FETUB: variants seen among roughly 807,000 people sequenced by gnomAD.
FETUB encodes fetuin-B.
In FETUB, 28 loss-of-function variants were observed where a neutral mutation model predicts 30.9. The observed-to-expected ratio is 0.90, with a 90% CI of 0.67 to 1.24. The LOEUF is 1.24. FETUB is among the 50% of genes most tolerant of loss of function. The pLI, the probability that FETUB is intolerant of heterozygous loss-of-function variation, is 0.00. For synonymous variants in FETUB, 186 were observed against 175.9 expected (o/e 1.06, Z -0.45); for missense variants, 469 against 455.3 (o/e 1.03, Z -0.27).
At chr3:186,637,889 G>A (rs1716821206), upstream of FETUB, among the ~76,000 whole-genome samples, 1 of 152,146 alleles carries the variant, frequency 6.6e-6, no homozygotes, top group South Asian at 2.1e-4. Flanking sequence ...TTTTACATGG[G>A]AGGAGCCTGA....
chr3:186,638,444 C>T (rs991255966), upstream of FETUB, among the ~76,000 whole-genome samples: 3 of 152,132 alleles, frequency 2.0e-5, no homozygotes, highest in Non-Finnish European at 4.4e-5. Context: ...TGCTGTGTGG[C>T]ACACCCAGTG....
At position 186,640,575 on chromosome 3, in the gene FETUB, T is replaced by C; in HGVS notation, c.115T>C (p.Ser39Pro). The change falls in exon 1 of 7, where the codon TCA (serine) becomes CCA (proline). Residue 39 changes from serine to proline, a missense_variant. Coordinates refer to ENST00000265029, the MANE Select transcript of FETUB (RefSeq NM_014375.3). Reference protein sequence around the residue: ...SALLSRGCNDSDVLAVAGFAL... With the variant: ...SALLSRGCNDPDVLAVAGFAL... ...TCTGCTCTCCCGGGGCTGCAATGACTCAGATGTGCTGGCAGTTGCAGGCTT... is the reference window on the plus strand; with the variant it reads ...TCTGCTCTCCCGGGGCTGCAATGACCCAGATGTGCTGGCAGTTGCAGGCTT... 1 of 1,613,148 alleles carries C rather than the reference T, an allele frequency of 6.2e-7. No homozygotes were observed. The highest frequency in any genetic ancestry group is 8.5e-7 in the Non-Finnish European group (1 of 1,179,062).
Position 186,640,438 on chromosome 3 carries a change from T to C in FETUB, c.-23T>C, listed in dbSNP as rs1716934017. 1 of 1,597,770 alleles carries C rather than the reference T, an allele frequency of 6.3e-7. No individual in the cohort carries two copies. The highest frequency in any genetic ancestry group is 1.7e-5 in the Admixed American group (1 of 59,958). On this transcript the variant is annotated 5_prime_UTR_variant, in exon 1 of 7. Coordinates refer to ENST00000265029, the MANE Select transcript of FETUB (RefSeq NM_014375.3). Reference sequence around the variant, plus strand: ...CCCTGCAGCTCCACAAACTGACCCATCCTGGGCCTTGTTCTCCACAGAATG... The same window carrying C: ...CCCTGCAGCTCCACAAACTGACCCACCCTGGGCCTTGTTCTCCACAGAATG...
At chr3:186,636,631 A>G (rs1716781619), upstream of FETUB, among the ~76,000 whole-genome samples, 1 of 152,228 alleles carries the variant, frequency 6.6e-6, no homozygotes, top group Non-Finnish European at 1.5e-5. Context: ...TTCCAAACAT[A>G]GGATACTTCA....
upstream of FETUB, among the ~76,000 whole-genome samples, chr3:186,638,881 G>A (rs1716855320): frequency 1.3e-5 from 2 of 152,148 alleles, no homozygotes. Context: ...GAATCTGAAT[G>A]TCTGGTTTCT....
In FETUB at chr3:186,650,065, A is replaced by T. The variant is rs543432262; in HGVS notation, c.697-1153A>T. ...CACATTTTAATCTAACCATCCATTG[A>T]TGGACACAACATCGGCTTCACATAT... is the stretch of plus-strand genomic sequence containing the variant. On this transcript the variant is annotated intron_variant, in intron 5 of 6. Coordinates refer to ENST00000265029, the MANE Select transcript of FETUB (RefSeq NM_014375.3). 2.7e-5 allele frequency among the ~76,000 whole-genome samples: 4 copies of T among 146,874 alleles called. No individual in the cohort carries two copies. The South Asian group carries it at 8.5e-4, about 31-fold the overall frequency.
chr3:186,644,952 A>G (rs764832026), intron 4 of FETUB, 32 bp downstream of exon 4: 3 of 1,567,486 alleles, frequency 1.9e-6, no homozygotes, highest in East Asian at 4.5e-5. Context: ...CCAGTTACAC[A>G]GTGTGTCTCA....
At chr3:186,641,584 TG>T (rs1397086084) in intron 2 of FETUB, 1 of 153,856 alleles carries the variant, frequency 6.5e-6, no homozygotes, top group Admixed American at 6.5e-5. Context: ...ATGGATGACT[TG>T]CAGTATGAAA....
At chr3:186,642,295 C>T (rs1181173051) in intron 2 of FETUB, 176 bp from the exon 3 acceptor site, 1 of 579,704 alleles carries the variant, frequency 1.7e-6, no homozygotes, top group African/African-American at 1.9e-5. Context: ...TAGCTGTGTC[C>T]TAGGGAAAGG....
chr3:186,639,195 C>T (rs1276410403), upstream of FETUB, among the ~76,000 whole-genome samples: 1 of 152,154 alleles, frequency 6.6e-6, no homozygotes, highest in Non-Finnish European at 1.5e-5. Context: ...AGGCATCACA[C>T]AGGTGAAAGG....
At chr3:186,637,373 T>C (rs1716806256), upstream of FETUB, among the ~76,000 whole-genome samples, 1 of 152,114 alleles carries the variant, frequency 6.6e-6, no homozygotes, top group South Asian at 2.1e-4. Context: ...TGCCGTCCAG[T>C]TTTGCTAAGT....
upstream of FETUB, among the ~76,000 whole-genome samples, chr3:186,639,653 G>A (rs71322410): frequency 0.027 from 1,206 of 45,316 alleles, 10 homozygotes; most frequent in Non-Finnish European, 0.036. Context: ...ACAAATAGAA[G>A]CTAAAAAAAA....
chr3:186,652,797 T>A lies in FETUB; in HGVS notation c.*166T>A, dbSNP rs556731782. ...TGACTGGGATTGGAAATAATGAGAC[T>A]GAGCCCTCGGCTTGGGCTGCACTCT... On this transcript the variant is annotated 3_prime_UTR_variant, in exon 7 of 7. Transcript: ENST00000265029. 599 of 798,874 alleles carry A rather than the reference T, an allele frequency of 7.5e-4. 1 individual carries two copies. The highest frequency in any genetic ancestry group is 1.0e-3 in the Non-Finnish European group (526 of 523,924). The allele number at this position is 798,874 out of a possible 1,614,324, so 49.5% of individuals were successfully genotyped here.
intron 6 of FETUB, chr3:186,651,954 G>A: frequency 4.9e-6 from 1 of 202,530 alleles, no homozygotes; most frequent in Non-Finnish European, 1.0e-5. Context: ...AAAGGCACCT[G>A]CTGCTTCCAC....
At chr3:186,640,815 TCTC>T in intron 1 of FETUB, 130 bp downstream of exon 1, 1 of 797,114 alleles carries the variant, frequency 1.3e-6, no homozygotes, top group Admixed American at 2.0e-5. Context: ...AACTCTCTGT[TCTC>T]CTCTGCCAGG....
rs370379105 is a variant in FETUB, at chr3:186,640,669, C to A, written c.209C>A (p.Ala70Asp). The A allele has an allele frequency of 6.2e-7, 1 of 1,613,700 alleles. No homozygotes were observed. The highest frequency in any genetic ancestry group is 2.2e-5 in the East Asian group (1 of 44,864). The change falls in exon 1 of 7, where the codon GCC becomes GAC. Residue 70 changes from alanine to aspartate, a missense_variant. Transcript: ENST00000265029. Reference protein sequence around the residue: ...YVLRLNRVNDAQEYRRGGLGS... With the variant: ...YVLRLNRVNDDQEYRRGGLGS... ...CTGAGACTCAACCGAGTGAACGACG[C>A]CCAGGAATACAGACGGGCAAGTAGG...
At chr3:186,651,955 C>CT (rs1718076560) in intron 6 of FETUB, 1 of 202,946 alleles carries the variant, frequency 4.9e-6, no homozygotes, top group Non-Finnish European at 9.9e-6. Context: ...AAGGCACCTG[C>CT]TGCTTCCACT....
In FETUB at chr3:186,644,901, T is replaced by C. The variant is rs1031546008; in HGVS notation, c.575T>C (p.Val192Ala). The C allele has an allele frequency of 1.9e-6, 3 of 1,612,766 alleles. No homozygotes were observed. Among genetic ancestry groups the C allele is most frequent in the Non-Finnish European group, 1.7e-6 (2 of 1,179,626 alleles). Residue 192 changes from valine (V) to alanine (A), a missense_variant, in exon 4 of 7, where the codon GTC becomes GCC. By Grantham distance (64) the Val-to-Ala change is moderately conservative. Coordinates refer to ENST00000265029, the MANE Select transcript of FETUB (RefSeq NM_014375.3). ...NTSKQYSLFK[V>A]TRASSQWVVG... ...TCCAAGCAGTATTCTCTCTTCAAAG[T>C]CACCAGGGCTTCTAGCCAGGTAAGG...
At chr3:186,639,915 G>A (rs1381910714), upstream of FETUB, among the ~76,000 whole-genome samples, 3 of 152,184 alleles carry the variant, frequency 2.0e-5, no homozygotes, top group Non-Finnish European at 2.9e-5. Context: ...CCACCCAGAT[G>A]GCCAAAGTGC....
Sources: allele counts gnomAD v4.1 joint callset (sites outside exome capture counted in the v4.1 genomes callset), GRCh38; gene constraint gnomAD v4.1.1; transcripts MANE v1.5; gene names NCBI Gene and HGNC (gene_info 2026-07-23, HGNC 2026-07-21).